The following ARHGEF11 variants were observed in gnomAD, a reference collection of about 807,000 sequenced individuals.
ARHGEF11 encodes Rho guanine nucleotide exchange factor 11.
ARHGEF11 carries 55 observed loss-of-function variants against 193.7 expected under a neutral mutation model. The ratio of observed to expected loss-of-function variants is 0.28; its 90% CI spans 0.23 to 0.36. ARHGEF11 has a LOEUF of 0.36. ARHGEF11 is among the 10% of genes least tolerant of loss of function. The pLI is 1.00. For missense variants in ARHGEF11, 1,723 were observed against 2,005.6 expected (o/e 0.86, Z 2.69); for synonymous variants, 693 against 768.0 (o/e 0.90, Z 1.62).
chr1:156,969,954 G>A (rs756595999), intron 9 of ARHGEF11, 44 bp downstream of exon 9: 38 of 1,604,102 alleles, frequency 2.4e-5, no homozygotes, highest in Non-Finnish European at 3.1e-5. Context: ...AAGAAACCTG[G>A]ACTAGAGATA....
chr1:156,998,583 T>C (rs1171431235), intron 1 of ARHGEF11, among the ~76,000 whole-genome samples: 1 of 152,186 alleles, frequency 6.6e-6, no homozygotes, highest in Non-Finnish European at 1.5e-5. Flanking sequence ...CAGTATCTAG[T>C]ACAATGGCTG....
chr1:157,003,729 A>C (rs1173369633), intron 1 of ARHGEF11, among the ~76,000 whole-genome samples: 1 of 152,180 alleles, frequency 6.6e-6, no homozygotes, highest in Non-Finnish European at 1.5e-5. Flanking sequence ...GCAGACAACT[A>C]TTTATACGTC....
chr1:157,027,002 C>A (rs778083971), intron 1 of ARHGEF11, among the ~76,000 whole-genome samples: 1 of 152,158 alleles, frequency 6.6e-6, no homozygotes, highest in Non-Finnish European at 1.5e-5. Flanking sequence ...AACATTTGAT[C>A]ACTAGCTGAT....
At chr1:156,966,416 G>A (rs1483284153) in intron 11 of ARHGEF11, among the ~76,000 whole-genome samples, 1 of 152,172 alleles carries the variant, frequency 6.6e-6, no homozygotes, top group African/African-American at 2.4e-5. Context: ...GATGAATTCT[G>A]TTATTTTCTT....
Position 156,948,861 on chromosome 1 carries a change from G to A in ARHGEF11, c.1926-363C>T, listed in dbSNP as rs1227607778. 5.7e-5 allele frequency: 56 copies of A among 985,272 alleles called. No individual in the cohort carries two copies. Among genetic ancestry groups the A allele is most frequent in the Non-Finnish European group, 6.6e-5 (55 of 829,928 alleles). The allele number at this position is 985,272 out of a possible 1,614,324, so 61.0% of individuals were successfully genotyped here. A position where few individuals can be genotyped will look rare whatever the true frequency, so the allele number is the denominator to read the frequency against. On this transcript the variant is annotated intron_variant, in intron 22 of 40. Coordinates refer to ENST00000368194, the MANE Select transcript of ARHGEF11 (RefSeq NM_198236.3). This position sits in a 1 kb window ranked among gnomAD's most constrained non-coding sequence, Gnocchi z 4.2. ...TGTCAAGAAGGTGGTAGACATCATCGTCCCTCAACAGGGAACACAAGGTCC... is the reference window on the plus strand; with the variant it reads ...TGTCAAGAAGGTGGTAGACATCATCATCCCTCAACAGGGAACACAAGGTCC...
At chr1:156,981,879 A>G (rs1664229946) in intron 3 of ARHGEF11, among the ~76,000 whole-genome samples, 1 of 152,250 alleles carries the variant, frequency 6.6e-6, no homozygotes, top group Admixed American at 6.5e-5. Flanking sequence ...TAAAAATTAC[A>G]TATTGTACAT....
chr1:156,955,877 C>T (rs554322046), intron 19 of ARHGEF11, 78 bp from the exon 20 acceptor site: 2 of 1,111,988 alleles, frequency 1.8e-6, no homozygotes, highest in African/African-American at 1.5e-5. Context: ...CTGCCACTGT[C>T]CCCCAAGGCT....
At chr1:157,035,625 A>G (rs1236755259) in intron 1 of ARHGEF11, among the ~76,000 whole-genome samples, 2 of 151,594 alleles carry the variant, frequency 1.3e-5, no homozygotes, top group African/African-American at 4.8e-5. Flanking sequence ...GGCTGGTACA[A>G]ATTATCCTGA....
chr1:156,968,218 A>C, intron 10 of ARHGEF11, 94 bp from the exon 11 acceptor site: 1 of 1,398,560 alleles, frequency 7.2e-7, no homozygotes, highest in East Asian at 2.4e-5. Context: ...CCATACTTAT[A>C]ACATCAGCTA....
Position 157,036,164 on chromosome 1 carries a change from T to TATATATGAATACATATATGAATAC in ARHGEF11, c.32+8111_32+8134dup, listed in dbSNP as rs1320179353. On this transcript the variant is annotated intron_variant, in intron 1 of 40. Coordinates refer to ENST00000368194, the MANE Select transcript of ARHGEF11 (RefSeq NM_198236.3). ...GAATATATGAATACATATATGAATA[T>TATATATGAATACATATATGAATAC]ATATATGAATACATATATGAATACA... 6.0e-4 allele frequency among the ~76,000 whole-genome samples: 85 copies of TATATATGAATACATATATGAATAC among 141,292 alleles called. 1 individual carries two copies. The highest frequency in any genetic ancestry group is 1.2e-3 in the Non-Finnish European group (76 of 65,880). 92.7% of individuals were successfully genotyped at this position (141,292 alleles called of 152,430 possible). A position where few individuals can be genotyped will look rare whatever the true frequency, so the allele number is the denominator to read the frequency against.
At chr1:156,978,136 T>C (rs16837897) in intron 6 of ARHGEF11, 68 bp downstream of exon 6, 272,247 of 1,592,636 alleles carry the variant, frequency 0.17, 24,589 homozygotes, top group East Asian at 0.36. Flanking sequence ...TTAACTTGCT[T>C]TCCTCCCCAA....
intron 15 of ARHGEF11, 73 bp from the exon 16 acceptor site, chr1:156,959,215 T>A (rs1276733047): frequency 1.5e-6 from 2 of 1,305,130 alleles, no homozygotes; most frequent in African/African-American, 2.9e-5. Context: ...CTGCTGAGCA[T>A]CTCAAGGCAT....
chr1:156,984,391 G>C lies in ARHGEF11; in HGVS notation c.171C>G (p.Phe57Leu). 6.3e-7 allele frequency: 1 copy of C among 1,599,698 alleles called. No individual in the cohort carries two copies. Among genetic ancestry groups the C allele is most frequent in the Non-Finnish European group, 8.5e-7 (1 of 1,173,070 alleles). ...TGCGATCCCCACTGACTGTGAAGCC[G>C]AAGCCATGCTGGTCCTTTTGGATAA... Reference protein sequence around the residue: ...CVIIQKDQHGFGFTVSGDRIV... With the variant: ...CVIIQKDQHGLGFTVSGDRIV... Residue 57 changes from phenylalanine (F) to leucine (L), a missense_variant, in exon 3 of 41, where the codon TTC becomes TTG. Around this residue, in one of 5 missense-constraint regions of ARHGEF11, gnomAD observed 646 missense variants for 710.7 expected, o/e 0.91. Coordinates refer to ENST00000368194, the MANE Select transcript of ARHGEF11 (RefSeq NM_198236.3).
rs1655968081 is a variant in ARHGEF11, at chr1:156,938,344, G to C, written c.4192+74C>G. 6.5e-6 allele frequency: 9 copies of C among 1,383,730 alleles called. No homozygotes were observed. In the South Asian group the frequency reaches 1.1e-4, roughly 18 times the overall value. The allele number at this position is 1,383,730 out of a possible 1,614,324, so 85.7% of individuals were successfully genotyped here. ...TGGGTGTGTGTGTGACCATGGGCAGGGGTCCGACTCTGCCCTCACAGGTTC... is the reference window on the plus strand; with the variant it reads ...TGGGTGTGTGTGTGACCATGGGCAGCGGTCCGACTCTGCCCTCACAGGTTC... On this transcript the variant is annotated intron_variant, in intron 38 of 40. Transcript: ENST00000368194.
chr1:156,941,839 G>A, intron 34 of ARHGEF11, 25 bp downstream of exon 34: 1 of 1,585,470 alleles, frequency 6.3e-7, no homozygotes. Context: ...AGAGAGTGCA[G>A]GGTCTGGAGG....
At chr1:156,959,781 G>T (rs190026265) in intron 15 of ARHGEF11, among the ~76,000 whole-genome samples, 25 of 152,258 alleles carry the variant, frequency 1.6e-4, no homozygotes, top group African/African-American at 5.1e-4. Context: ...TTCTCAGGCT[G>T]ACATCACCTT....
In ARHGEF11 at chr1:156,940,276, T is replaced by C. The variant is rs1188266506; in HGVS notation, c.3664A>G (p.Asn1222Asp). 6.2e-7 allele frequency: 1 copy of C among 1,613,248 alleles called. No homozygotes were observed. The highest frequency in any genetic ancestry group is 2.2e-5 in the East Asian group (1 of 44,848). Residue 1222 changes from asparagine to aspartate, a missense_variant, in exon 36 of 41, where the codon AAC becomes GAC. Asn to Asp is a conservative substitution (Grantham distance 23). Coordinates refer to ENST00000368194, the MANE Select transcript of ARHGEF11 (RefSeq NM_198236.3). ...CCTGGGAAGGCCAAGTGGATGGGGT[T>C]CCTTGTCCTGATGCCCCTGTTCTCT... is the stretch of plus-strand genomic sequence containing the variant. ...DGENRGIRTR[N>D]PIHLAFPGPL...
At chr1:156,992,914 G>A (rs1665966442) in intron 1 of ARHGEF11, among the ~76,000 whole-genome samples, 1 of 152,182 alleles carries the variant, frequency 6.6e-6, no homozygotes, top group South Asian at 2.1e-4. Flanking sequence ...ACAAAGAGAA[G>A]CAAATAACAT....
chr1:157,006,299 T>G (rs1010133185), intron 1 of ARHGEF11, among the ~76,000 whole-genome samples: 3 of 152,154 alleles, frequency 2.0e-5, no homozygotes, highest in Admixed American at 1.3e-4. Context: ...AAAGACTAGA[T>G]AGCCAAAGAG....
Sources: gnomAD v4.1 joint callset for allele counts (sites outside exome capture counted in the v4.1 genomes callset) on GRCh38, gnomAD v4.1.1 for gene constraint, gnomAD v4.1.1 regional missense constraint, Gnocchi (gnomAD v3.1) non-coding constraint, MANE v1.5 for transcripts, NCBI Gene and HGNC (gene_info 2026-07-23, HGNC 2026-07-21) for gene names.